The following VPS13B variants were observed in gnomAD, a reference collection of about 807,000 sequenced individuals.
VPS13B encodes the protein vacuolar protein sorting 13 homolog B, also known as intermembrane lipid transfer protein VPS13B.
A neutral mutation model predicts 426.4 loss-of-function variants in VPS13B; 285 were observed. The observed-to-expected ratio is 0.67, with a 90% confidence interval of 0.61 to 0.74. The LOEUF (loss-of-function observed/expected upper bound fraction) is 0.74. Among genes scored for constraint, VPS13B ranks in the 30% least tolerant of loss-of-function variants. The pLI is 0.00. For missense variants in VPS13B, 4,537 were observed against 4,782.6 expected, an observed-to-expected ratio of 0.95 and a Z score of 1.51; for synonymous variants, 1,676 against 1,676.4, an observed-to-expected ratio of 1.00 and a Z score of 0.01.
chr8:99,838,946 C>T (rs1003553307), intron 54 of VPS13B, among the ~76,000 whole-genome samples: 1 of 152,208 alleles, frequency 6.6e-6, no homozygotes, highest in African/African-American at 2.4e-5. Context: ...GCGGCTGTAG[C>T]GCCAAATGAC....
chr8:99,359,810 T>A (rs143175680), intron 19 of VPS13B, among the ~76,000 whole-genome samples: 7 of 152,296 alleles, frequency 4.6e-5, no homozygotes, highest in Non-Finnish European at 8.8e-5. Context: ...TTACTATACT[T>A]CATTGCAAAG....
intron 56 of VPS13B, among the ~76,000 whole-genome samples, chr8:99,857,845 C>A (rs895114374): frequency 1.3e-5 from 2 of 152,228 alleles, no homozygotes; most frequent in Non-Finnish European, 2.9e-5. Flanking sequence ...TGCCTGGCAT[C>A]CATAGGGCCT....
chr8:99,153,642 T>C (rs1029627758), intron 14 of VPS13B, among the ~76,000 whole-genome samples: 37 of 152,184 alleles, frequency 2.4e-4, no homozygotes, highest in Admixed American at 2.4e-3. Flanking sequence ...ATTTTATTTT[T>C]ATATAAGCAT....
chr8:99,213,447 C>A (rs1815216234), intron 17 of VPS13B, among the ~76,000 whole-genome samples: 1 of 152,054 alleles, frequency 6.6e-6, no homozygotes. Context: ...CATAATTTTT[C>A]AGTAAAATGG....
chr8:99,138,673 A>G (rs2132565194), intron 12 of VPS13B, among the ~76,000 whole-genome samples: 1 of 152,390 alleles, frequency 6.6e-6, no homozygotes, highest in South Asian at 2.1e-4. Flanking sequence ...ATAACTGTGG[A>G]CATTGAAGTG....
At chr8:99,358,578 C>T (rs1353032722) in intron 19 of VPS13B, among the ~76,000 whole-genome samples, 1 of 152,072 alleles carries the variant, frequency 6.6e-6, no homozygotes, top group Non-Finnish European at 1.5e-5. Flanking sequence ...ATTTTCTATA[C>T]CCAGTAGTCA....
intron 25 of VPS13B, among the ~76,000 whole-genome samples, chr8:99,499,720 C>A (rs1257834445): frequency 6.6e-6 from 1 of 152,034 alleles, no homozygotes; most frequent in Non-Finnish European, 1.5e-5. Flanking sequence ...TATATGAAAA[C>A]TGCACAAACA....
intron 52 of VPS13B, among the ~76,000 whole-genome samples, chr8:99,833,242 C>G (rs1815184046): frequency 1.3e-5 from 2 of 152,190 alleles, no homozygotes; most frequent in Non-Finnish European, 2.9e-5. Context: ...AGACTCAAAC[C>G]AGAGACATAT....
chr8:99,193,357 T>C (rs763438810), intron 17 of VPS13B, among the ~76,000 whole-genome samples: 2 of 152,174 alleles, frequency 1.3e-5, no homozygotes, highest in Non-Finnish European at 2.9e-5. Flanking sequence ...TTTGAAATGA[T>C]AACCAAATTA....
chr8:99,168,599 A>G (rs1354470940), intron 15 of VPS13B, among the ~76,000 whole-genome samples: 1 of 152,126 alleles, frequency 6.6e-6, no homozygotes, highest in Non-Finnish European at 1.5e-5. Context: ...GAAATAAGAA[A>G]TCCTGAAATT....
Position 99,391,697 on chromosome 8 carries a change from G to A in VPS13B, c.3075G>A (p.Thr1025=), listed in dbSNP as rs141637316. The A allele has an allele frequency of 3.3e-4, 528 of 1,613,944 alleles. 1 individual carries two copies. Among genetic ancestry groups the A allele is most frequent in the Middle Eastern group, 2.0e-3 (12 of 6,062 alleles). Reference sequence around the variant, plus strand: ...CCAGCAGCCCTGTAAAAACAAAAACGGTAACAGGTATGTGTCAAGTACTGT... The same window carrying A: ...CCAGCAGCCCTGTAAAAACAAAAACAGTAACAGGTATGTGTCAAGTACTGT... ...EYASSPVKTK[T]VTESRPLSVP... Residue 1025 remains threonine, a synonymous_variant, in exon 21 of 62, where the codon ACG becomes ACA. Coordinates refer to ENST00000357162, the MANE Select transcript of VPS13B (RefSeq NM_152564.5).
chr8:99,273,529 A>G (rs1345477326), intron 17 of VPS13B, among the ~76,000 whole-genome samples: 3 of 152,070 alleles, frequency 2.0e-5, no homozygotes, highest in African/African-American at 7.2e-5. Context: ...GCACGCCTGT[A>G]ATCCTAGCAC....
chr8:99,033,932 T>C (rs1191262226), intron 2 of VPS13B, among the ~76,000 whole-genome samples: 1 of 152,216 alleles, frequency 6.6e-6, no homozygotes, highest in Non-Finnish European at 1.5e-5. Flanking sequence ...TTCCCTTATT[T>C]CTTTGAACAT....
intron 21 of VPS13B, among the ~76,000 whole-genome samples, chr8:99,414,285 A>G (rs1815866236): frequency 5.0e-5 from 7 of 139,848 alleles, no homozygotes. Flanking sequence ...ATCTTCCTCC[A>G]TCCCTTTATT....
intron 39 of VPS13B, among the ~76,000 whole-genome samples, chr8:99,751,525 A>G (rs139617678): frequency 6.6e-6 from 1 of 152,194 alleles, no homozygotes; most frequent in Non-Finnish European, 1.5e-5. Flanking sequence ...TGTAAGTTCT[A>G]TGAAGTCACG....
intron 23 of VPS13B, among the ~76,000 whole-genome samples, chr8:99,458,726 A>G (rs986911188): frequency 7.9e-5 from 12 of 152,178 alleles, no homozygotes; most frequent in Non-Finnish European, 1.8e-4. Context: ...TCTTTTGAGA[A>G]GTGTCTGTTC....
chr8:99,029,772 G>A (rs1397606685), intron 2 of VPS13B, among the ~76,000 whole-genome samples: 27 of 149,838 alleles, frequency 1.8e-4, no homozygotes, highest in African/African-American at 6.4e-4. Context: ...CGTGGAAGGA[G>A]ACCGTGGAAA....
At chr8:99,417,537 C>T (rs1332342855) in intron 21 of VPS13B, among the ~76,000 whole-genome samples, 1 of 152,124 alleles carries the variant, frequency 6.6e-6, no homozygotes, top group Non-Finnish European at 1.5e-5. Context: ...ATTTACTCCC[C>T]TGTTCAAATT....
At chr8:99,336,233 T>A (rs1479939839) in intron 19 of VPS13B, among the ~76,000 whole-genome samples, 1 of 152,040 alleles carries the variant, frequency 6.6e-6, no homozygotes, top group Non-Finnish European at 1.5e-5. Context: ...ATCTGATCTT[T>A]GACAAACCTG....
Sources: allele counts gnomAD v4.1 joint callset (sites outside exome capture counted in the v4.1 genomes callset), GRCh38; gene constraint gnomAD v4.1.1; transcripts MANE v1.5; gene names NCBI Gene and HGNC (gene_info 2026-07-23, HGNC 2026-07-21).